The following RBFOX1 variants were observed in gnomAD, a reference collection of about 807,000 sequenced individuals.
RBFOX1 encodes the protein RNA binding fox-1 homolog 1.
RBFOX1 carries 8 observed loss-of-function variants against 57.7 expected under a neutral mutation model. The observed-to-expected ratio is 0.14, with a 90% CI of 0.08 to 0.25. The LOEUF is 0.25. Ranked by LOEUF, RBFOX1 falls within the 10% of genes least tolerant of loss-of-function variation. The pLI, the probability that RBFOX1 is intolerant of heterozygous loss-of-function variation, is 1.00. For missense variants in RBFOX1, 611 were observed against 548.5 expected, an observed-to-expected ratio of 1.11 and a Z score of -1.14; for synonymous variants, 326 against 222.4, an observed-to-expected ratio of 1.47 and a Z score of -4.15.
At chr16:6,377,141 G>A (rs1262604272) in intron 2 of RBFOX1, among the ~76,000 whole-genome samples, 4 of 151,816 alleles carry the variant, frequency 2.6e-5, no homozygotes, top group Admixed American at 1.3e-4. Context: ...TGAGCACGGT[G>A]GCCTGTGCCT....
chr16:6,733,732 C>T (rs67301088), intron 3 of RBFOX1, among the ~76,000 whole-genome samples: 31,421 of 151,628 alleles, frequency 0.21, 3,485 homozygotes, highest in East Asian at 0.42. Flanking sequence ...CACTCCAGCC[C>T]GGGCGAAAGA....
In RBFOX1 at chr16:5,532,480, G is replaced by A. The variant is rs551495826; in HGVS notation, c.258+65226G>A. Among the ~76,000 whole-genome samples the A allele has an allele frequency of 3.0e-4, 46 of 152,322 alleles. No homozygotes were observed. In the South Asian group the frequency reaches 9.5e-3, roughly 32 times the overall value. On this transcript the variant is annotated intron_variant, in intron 2 of 2. Transcript: ENST00000585867. ...TGCATTTCACAAGACCCCCTGGTGA[G>A]TCAGATGCGTATTAAAGTTTAAGGG...
At chr16:6,711,552 G>T (rs909504203) in intron 3 of RBFOX1, among the ~76,000 whole-genome samples, 1 of 152,184 alleles carries the variant, frequency 6.6e-6, no homozygotes, top group Non-Finnish European at 1.5e-5. Context: ...GTGTTTGGCA[G>T]TTCTGCCCTC....
intron 4 of RBFOX1, among the ~76,000 whole-genome samples, chr16:5,932,027 C>T (rs973801311): frequency 6.6e-6 from 1 of 152,048 alleles, no homozygotes; most frequent in African/African-American, 2.4e-5. Flanking sequence ...TGGTTTCGGA[C>T]TCTTGGACTC....
intron 3 of RBFOX1, among the ~76,000 whole-genome samples, chr16:6,810,067 G>A (rs1229122537): frequency 6.7e-6 from 1 of 149,528 alleles, no homozygotes; most frequent in Non-Finnish European, 1.5e-5. Flanking sequence ...CAATGCTCTG[G>A]TCTGATGGGG....
chr16:7,053,204 C>G lies in RBFOX1; in HGVS notation c.27+1106C>G, dbSNP rs181930109. On this transcript the variant is annotated intron_variant, in intron 4 of 15. Transcript: ENST00000550418. Reference sequence around the variant, plus strand: ...ACTTGGGTAAAATAAACAACAGAATCCAGGTGCATGAAACCGAGAAAGTGA... The same window carrying G: ...ACTTGGGTAAAATAAACAACAGAATGCAGGTGCATGAAACCGAGAAAGTGA... 1.2e-3 allele frequency among the ~76,000 whole-genome samples: 178 copies of G among 152,232 alleles called. 3 individuals carry two copies. Among genetic ancestry groups the G allele is most frequent in the Non-Finnish European group, 4.3e-4 (29 of 68,006 alleles).
chr16:6,533,730 A>C (rs1567586527), intron 2 of RBFOX1, among the ~76,000 whole-genome samples: 1 of 152,160 alleles, frequency 6.6e-6, no homozygotes, highest in Non-Finnish European at 1.5e-5. Context: ...AAATTAACTG[A>C]AGATAGGTTG....
chr16:6,824,329 C>A lies in RBFOX1; in HGVS notation c.-16+169679C>A, dbSNP rs187551681. Among the ~76,000 whole-genome samples the A allele has an allele frequency of 3.9e-3, 597 of 152,248 alleles. 6 individuals carry two copies. Among genetic ancestry groups the A allele is most frequent in the African/African-American group, 0.013 (558 of 41,554 alleles). ...GCTGCGGTAGGAGAGTCACTTGAACCAGAGAGGCACAGGTTGCATTGAGCT... is the reference window on the plus strand; with the variant it reads ...GCTGCGGTAGGAGAGTCACTTGAACAAGAGAGGCACAGGTTGCATTGAGCT... On this transcript the variant is annotated intron_variant, in intron 3 of 15. Transcript: ENST00000550418.
rs186875064 is a variant in RBFOX1 at position 6,998,168 on chromosome 16, A to C, written c.-15-53889A>C. Among the ~76,000 whole-genome samples, 12 of 152,290 alleles carry C rather than the reference A, an allele frequency of 7.9e-5. 1 individual carries two copies. In the East Asian group the frequency reaches 2.3e-3, roughly 29 times the overall value. ...ATTTACTTATTGAGTGTAAAATGAA[A>C]GCAGCCAAAGCAGTACATTTGGTGG... On this transcript the variant is annotated intron_variant, in intron 3 of 15. Coordinates refer to ENST00000550418, the MANE Select transcript of RBFOX1 (RefSeq NM_018723.4).
intron 1 of RBFOX1, among the ~76,000 whole-genome samples, chr16:6,030,069 C>T (rs780010724): frequency 1.3e-4 from 20 of 152,094 alleles, no homozygotes; most frequent in Non-Finnish European, 2.6e-4. Flanking sequence ...TGCCACCAAG[C>T]CTGGCTAATT....
intron 2 of RBFOX1, among the ~76,000 whole-genome samples, chr16:6,333,629 A>AAT (rs1355032804): frequency 6.6e-6 from 1 of 152,168 alleles, no homozygotes; most frequent in Non-Finnish European, 1.5e-5. Flanking sequence ...AAAATTAAAA[A>AAT]ATATATATAT....
chr16:7,389,260 G>A (rs1013771494), intron 4 of RBFOX1, among the ~76,000 whole-genome samples: 2 of 152,014 alleles, frequency 1.3e-5, no homozygotes, highest in Non-Finnish European at 2.9e-5. Context: ...TGAATAGCTG[G>A]CAGCACAGGT....
intron 1 of RBFOX1, among the ~76,000 whole-genome samples, chr16:5,341,537 C>A (rs139247825): frequency 7.9e-5 from 12 of 152,192 alleles, no homozygotes; most frequent in Non-Finnish European, 1.6e-4. Flanking sequence ...CTGAGATATT[C>A]CCTGAGTTTT....
In RBFOX1 at chr16:5,705,955, C is replaced by A. The variant is rs549087323; in HGVS notation, c.318+106994C>A. ...AGACAGAGTCTTGCTCTGTTGCCCA[C>A]GATGGAGTGCAGTGGTGTGCTCTCC... On this transcript the variant is annotated intron_variant, in intron 3 of 19. Transcript: ENST00000641259. 2.0e-5 allele frequency among the ~76,000 whole-genome samples: 3 copies of A among 152,236 alleles called. No individual in the cohort carries two copies. The South Asian group carries it at 6.2e-4, about 32-fold the overall frequency.
At chr16:6,004,562 A>T (rs2060660023) in intron 4 of RBFOX1, among the ~76,000 whole-genome samples, 1 of 152,226 alleles carries the variant, frequency 6.6e-6, no homozygotes, top group South Asian at 2.1e-4. Context: ...TGATGGGAAT[A>T]TAAACACAGA....
intron 5 of RBFOX1, among the ~76,000 whole-genome samples, chr16:7,540,457 C>T (rs1196893515): frequency 1.3e-5 from 2 of 152,170 alleles, no homozygotes; most frequent in Admixed American, 1.3e-4. Flanking sequence ...TATTTATCAT[C>T]AGTTATACAA....
chr16:6,570,510 C>T (rs1167267781), intron 2 of RBFOX1, among the ~76,000 whole-genome samples: 1 of 151,974 alleles, frequency 6.6e-6, no homozygotes, highest in Non-Finnish European at 1.5e-5. Context: ...TATATATATA[C>T]ACACATACAT....
At chr16:6,075,384 C>A (rs372495831) in intron 1 of RBFOX1, among the ~76,000 whole-genome samples, 43 of 152,284 alleles carry the variant, frequency 2.8e-4, no homozygotes, top group African/African-American at 9.9e-4. Context: ...GTGCTAGGTG[C>A]TGTGATAAAC....
intron 2 of RBFOX1, among the ~76,000 whole-genome samples, chr16:6,413,178 G>T (rs1169758398): frequency 1.3e-5 from 2 of 152,124 alleles, no homozygotes; most frequent in African/African-American, 2.4e-5. Context: ...AATTAGCTGG[G>T]TGTGGTGGCA....
Sources: allele counts gnomAD v4.1 joint callset (sites outside exome capture counted in the v4.1 genomes callset), GRCh38; gene constraint gnomAD v4.1.1; transcripts MANE v1.5; gene names NCBI Gene and HGNC (gene_info 2026-07-23, HGNC 2026-07-21).